The following NBEA variants were observed in gnomAD, a reference collection of about 807,000 sequenced individuals.
NBEA encodes lysosomal-trafficking regulator 2.
A neutral mutation model predicts 343.4 loss-of-function variants in NBEA; 44 were observed. The ratio of observed to expected loss-of-function variants is 0.13; its 90% CI spans 0.10 to 0.16. NBEA has a LOEUF of 0.16. NBEA is among the 10% of genes least tolerant of loss of function. The pLI is 1.00. For synonymous variants in NBEA, 1,175 were observed against 1,238.7 expected (o/e 0.95, Z 1.08); for missense variants, 2,555 against 3,631.3 (o/e 0.70, Z 7.62).
At chr13:35,396,134 A>C (rs1223128482) in intron 38 of NBEA, among the ~76,000 whole-genome samples, 1 of 152,070 alleles carries the variant, frequency 6.6e-6, no homozygotes, top group Non-Finnish European at 1.5e-5. Flanking sequence ...GGCTGAGATG[A>C]ACCTCCTGCC....
chr13:35,503,355 A>G (rs147029990), intron 41 of NBEA, among the ~76,000 whole-genome samples: 1,706 of 152,036 alleles, frequency 0.011, 19 homozygotes, highest in Middle Eastern at 0.018. Context: ...AGGTAGATAT[A>G]TAATTTTTAT....
intron 34 of NBEA, among the ~76,000 whole-genome samples, chr13:35,247,768 T>C (rs1284951443): frequency 6.6e-6 from 1 of 152,120 alleles, no homozygotes; most frequent in Admixed American, 6.5e-5. Context: ...TCTATCCAAG[T>C]AGAAGCTGCA....
chr13:35,628,664 T>C (rs1412400115), intron 49 of NBEA, among the ~76,000 whole-genome samples: 2 of 152,232 alleles, frequency 1.3e-5, no homozygotes, highest in Non-Finnish European at 2.9e-5. Context: ...TTGCCTGTAA[T>C]TCCAGCACTT....
chr13:35,403,478 A>G (rs1195800247), intron 38 of NBEA, among the ~76,000 whole-genome samples: 1 of 152,078 alleles, frequency 6.6e-6, no homozygotes, highest in Non-Finnish European at 1.5e-5. Flanking sequence ...GATCTTTGAC[A>G]AACCTGAGAA....
intron 46 of NBEA, among the ~76,000 whole-genome samples, chr13:35,587,424 C>A (rs930895672): frequency 3.9e-5 from 6 of 152,036 alleles, no homozygotes; most frequent in African/African-American, 1.5e-4. Flanking sequence ...CTTTTCATAC[C>A]ACCTCAGGTC....
At chr13:35,091,034 A>T (rs763239924) in intron 10 of NBEA, among the ~76,000 whole-genome samples, 10 of 151,932 alleles carry the variant, frequency 6.6e-5, no homozygotes, top group Non-Finnish European at 1.3e-4. Flanking sequence ...TCTAGTTCTG[A>T]GTGCCCTGTT....
rs2081043670 is a variant in NBEA, at chr13:35,581,688, A to T, written c.7036-2210A>T. On this transcript the variant is annotated intron_variant, in intron 45 of 58. Coordinates refer to ENST00000379939, the MANE Select transcript of NBEA (RefSeq NM_001385012.1). ...CATAGGTGGGAATTGAACAATGAGA[A>T]CACATGGACACAGGAAGGGGAACAT... 2.2e-5 allele frequency among the ~76,000 whole-genome samples: 3 copies of T among 135,206 alleles called. No homozygotes were observed. The Admixed American group carries it at 2.5e-4, about 11-fold the overall frequency. 88.7% of individuals were successfully genotyped at this position (135,206 alleles called of 152,430 possible).
At chr13:34,994,014 A>G (rs959981748) in intron 1 of NBEA, among the ~76,000 whole-genome samples, 15 of 151,962 alleles carry the variant, frequency 9.9e-5, no homozygotes, top group Admixed American at 7.2e-4. Flanking sequence ...ACTAGCCAAC[A>G]TGGTGAAACC....
At chr13:35,546,555 A>T (rs959520788) in intron 41 of NBEA, among the ~76,000 whole-genome samples, 17 of 143,738 alleles carry the variant, frequency 1.2e-4, no homozygotes, top group African/African-American at 3.0e-4. Flanking sequence ...ATTATTATTA[A>T]TTTTTTTTTT....
At chr13:35,470,746 G>A (rs924025182) in intron 40 of NBEA, among the ~76,000 whole-genome samples, 13 of 152,228 alleles carry the variant, frequency 8.5e-5, no homozygotes, top group African/African-American at 3.1e-4. Flanking sequence ...ATTCGGAGGA[G>A]GGCGCGGGAG....
At chr13:35,237,746 G>A (rs992967445) in intron 34 of NBEA, among the ~76,000 whole-genome samples, 13 of 152,018 alleles carry the variant, frequency 8.6e-5, no homozygotes, top group African/African-American at 3.1e-4. Context: ...ACTTCAAATA[G>A]CCATAAAGTA....
chr13:35,017,521 G>A (rs1001158597), intron 1 of NBEA, among the ~76,000 whole-genome samples: 2 of 152,096 alleles, frequency 1.3e-5, no homozygotes, highest in African/African-American at 4.8e-5. Context: ...ATGGATAGTG[G>A]TAGCTTACTG....
At chr13:35,660,023 G>A (rs2085005309) in intron 55 of NBEA, among the ~76,000 whole-genome samples, 2 of 152,190 alleles carry the variant, frequency 1.3e-5, no homozygotes, top group South Asian at 2.1e-4. Flanking sequence ...GGACTTGGCC[G>A]CTTATCCTCT....
chr13:34,973,676 C>T (rs1422057081), intron 1 of NBEA, among the ~76,000 whole-genome samples: 1 of 152,108 alleles, frequency 6.6e-6, no homozygotes, highest in Non-Finnish European at 1.5e-5. Context: ...AAGATGGTGG[C>T]CTCTACTCCC....
At chr13:35,340,269 C>T (rs1201463697) in intron 36 of NBEA, among the ~76,000 whole-genome samples, 1 of 152,006 alleles carries the variant, frequency 6.6e-6, no homozygotes, top group Non-Finnish European at 1.5e-5. Flanking sequence ...GCTCTTTATA[C>T]ATACAATGGG....
At chr13:35,040,279 G>A (rs1262856221) in intron 1 of NBEA, among the ~76,000 whole-genome samples, 1 of 151,782 alleles carries the variant, frequency 6.6e-6, no homozygotes, top group Non-Finnish European at 1.5e-5. Flanking sequence ...TACCAAATGG[G>A]AGGGGCAGTA....
intron 41 of NBEA, among the ~76,000 whole-genome samples, chr13:35,486,015 G>T (rs1418522718): frequency 6.6e-6 from 1 of 151,966 alleles, no homozygotes; most frequent in Middle Eastern, 3.2e-3. Flanking sequence ...TCTCCAGATT[G>T]TTTAGTCTAA....
chr13:35,414,049 C>A (rs1287077729), intron 38 of NBEA, among the ~76,000 whole-genome samples: 1 of 151,914 alleles, frequency 6.6e-6, no homozygotes, highest in Non-Finnish European at 1.5e-5. Context: ...TGGGTACTCT[C>A]CAAATACAGG....
chr13:35,007,998 A>G (rs902135014), intron 1 of NBEA, among the ~76,000 whole-genome samples: 1 of 152,072 alleles, frequency 6.6e-6, no homozygotes, highest in Non-Finnish European at 1.5e-5. Flanking sequence ...TGTAAACGCA[A>G]TTTGAGGCTT....
Sources: allele counts gnomAD v4.1 joint callset (sites outside exome capture counted in the v4.1 genomes callset), GRCh38; gene constraint gnomAD v4.1.1; transcripts MANE v1.5; gene names NCBI Gene and HGNC (gene_info 2026-07-23, HGNC 2026-07-21).